Variants in OR56A3 observed in about 807,000 individuals in gnomAD.
OR56A3 encodes olfactory receptor family 56 subfamily A member 3.
In OR56A3, 23 loss-of-function variants were observed where a neutral mutation model predicts 17.5. The ratio of observed to expected loss-of-function variants is 1.32; its 90% CI spans 0.95 to 1.87. The LOEUF is 1.87. OR56A3 is among the 40% of genes most tolerant of loss of function. The pLI is 0.00. For synonymous variants in OR56A3, 175 were observed against 150.6 expected (o/e 1.16, Z -1.19); for missense variants, 366 against 380.1 (o/e 0.96, Z 0.31).
the OR56A3 span, among the ~76,000 whole-genome samples, chr11:5,999,236 A>G: frequency 4.8e-4 from 73 of 152,284 alleles, no homozygotes; most frequent in African/African-American, 1.6e-3. Context: ...TTCCATGGAT[A>G]CCTTAATGCC....
chr11:6,007,139 G>A, the OR56A3 span, among the ~76,000 whole-genome samples: 3 of 152,198 alleles, frequency 2.0e-5, no homozygotes, highest in African/African-American at 7.2e-5. Flanking sequence ...GGGTGAAAGA[G>A]TTCAAAGGCA....
At chr11:6,000,599 A>C in the OR56A3 span, 1 of 152,188 alleles carries the variant, frequency 6.6e-6, no homozygotes, top group Non-Finnish European at 1.5e-5. Flanking sequence ...TGTACTCTAA[A>C]ACTTAAAACA....
the OR56A3 span, among the ~76,000 whole-genome samples, chr11:6,017,940 A>C: frequency 3.9e-5 from 6 of 152,150 alleles, no homozygotes; most frequent in Non-Finnish European, 8.8e-5. Flanking sequence ...AACAGATTTT[A>C]AGTCATAAAT....
In OR56A3 at chr11:5,949,481, A is replaced by C. The variant is rs189414539; in HGVS notation, c.*1187A>C. 1 of 152,340 alleles carries C rather than the reference A, an allele frequency of 6.6e-6. No homozygotes were observed. 9.4% of individuals were successfully genotyped at this position (152,340 alleles called of 1,614,324 possible). On this transcript the variant is annotated 3_prime_UTR_variant, in exon 3 of 3. Transcript: ENST00000641160. Reference sequence around the variant, plus strand: ...TTGTGTCCCGCCTGGGAAGAAATCAAATAAGAGAATTCACTGTGTTTCCCA... The same window carrying C: ...TTGTGTCCCGCCTGGGAAGAAATCACATAAGAGAATTCACTGTGTTTCCCA...
the OR56A3 span, among the ~76,000 whole-genome samples, chr11:6,005,424 G>A: frequency 5.3e-5 from 8 of 152,322 alleles, no homozygotes; most frequent in South Asian, 1.7e-3. Flanking sequence ...AGGCGGGAGA[G>A]TAGAGTGTCA....
At chr11:5,993,863 C>T in the OR56A3 span, 1 of 486,974 alleles carries the variant, frequency 2.1e-6, no homozygotes, top group East Asian at 5.9e-5. Context: ...GGGTACTCTG[C>T]CTCTGCTGGC....
At chr11:5,967,958 G>C in the OR56A3 span, 59 of 1,594,222 alleles carry the variant, frequency 3.7e-5, no homozygotes, top group Non-Finnish European at 4.9e-5. Context: ...TACAGATGCA[G>C]TTCTTGATGA....
chr11:5,960,493 G>A, the OR56A3 span, among the ~76,000 whole-genome samples: 10 of 152,340 alleles, frequency 6.6e-5, no homozygotes, highest in South Asian at 2.1e-4. Context: ...GCTCCTGACC[G>A]CGAGTGGTCT....
chr11:5,986,930 T>C, the OR56A3 span: 3 of 1,611,582 alleles, frequency 1.9e-6, no homozygotes, highest in East Asian at 2.2e-5. Context: ...ACCAAAGTCA[T>C]GATTTCTGCA....
the OR56A3 span, among the ~76,000 whole-genome samples, chr11:5,984,788 A>T: frequency 6.6e-6 from 1 of 152,204 alleles, no homozygotes. Flanking sequence ...TAGAAAAAAC[A>T]ACTATTAACT....
At chr11:5,953,006 A>G (rs1383951232), downstream of OR56A3, among the ~76,000 whole-genome samples, 1 of 152,198 alleles carries the variant, frequency 6.6e-6, no homozygotes, top group Non-Finnish European at 1.5e-5. Flanking sequence ...ATGGCTGCAT[A>G]GTATTCTAAG....
chr11:5,987,370 C>T, the OR56A3 span, among the ~76,000 whole-genome samples: 1 of 152,184 alleles, frequency 6.6e-6, no homozygotes, highest in Non-Finnish European at 1.5e-5. Context: ...GTCATTGATT[C>T]CAGGGATCCA....
chr11:5,996,565 A>G, the OR56A3 span, among the ~76,000 whole-genome samples: 2 of 151,734 alleles, frequency 1.3e-5, no homozygotes, highest in South Asian at 2.1e-4. Flanking sequence ...AAATTTCTAG[A>G]TTCCTCCAAA....
At chr11:5,963,812 C>T in the OR56A3 span, among the ~76,000 whole-genome samples, 3 of 152,148 alleles carry the variant, frequency 2.0e-5, no homozygotes, top group Admixed American at 6.5e-5. Flanking sequence ...TCTACTCACT[C>T]TTGAATGCCA....
chr11:5,956,562 T>TAA, the OR56A3 span, among the ~76,000 whole-genome samples: 1 of 152,172 alleles, frequency 6.6e-6, no homozygotes, highest in Non-Finnish European at 1.5e-5. Flanking sequence ...TTTAAATAGG[T>TAA]GTTTCACAGA....
At chr11:6,016,347 C>T in the OR56A3 span, among the ~76,000 whole-genome samples, 27 of 152,158 alleles carry the variant, frequency 1.8e-4, no homozygotes, top group Non-Finnish European at 2.8e-4. Flanking sequence ...AAATAAATTA[C>T]GCAGTCTTAG....
At chr11:6,019,670 A>G in the OR56A3 span, 1 of 152,124 alleles carries the variant, frequency 6.6e-6, no homozygotes, top group African/African-American at 2.4e-5. Flanking sequence ...ACCCACCCCC[A>G]TAATTAAATT....
chr11:5,994,311 G>T, the OR56A3 span: 1 of 658,794 alleles, frequency 1.5e-6, no homozygotes, highest in East Asian at 3.3e-5. Flanking sequence ...CGACCTTGGC[G>T]GACTGCATGT....
At chr11:5,944,585 T>A (rs1265641093) in intron 1 of OR56A3, among the ~76,000 whole-genome samples, 1 of 152,250 alleles carries the variant, frequency 6.6e-6, no homozygotes, top group African/African-American at 2.4e-5. Flanking sequence ...TGGACCTGAA[T>A]GAATTATTTA....
Sources: gnomAD v4.1 joint callset for allele counts (sites outside exome capture counted in the v4.1 genomes callset) on GRCh38, gnomAD v4.1.1 for gene constraint, MANE v1.5 for transcripts, NCBI Gene and HGNC (gene_info 2026-07-23, HGNC 2026-07-21) for gene names.